The following TLL2 variants were observed in gnomAD, a reference collection of about 807,000 sequenced individuals.
TLL2 encodes the protein tolloid like 2, also known as tolloid-like protein 2.
A neutral mutation model predicts 123.0 loss-of-function variants in TLL2; 106 were observed. The ratio of observed to expected loss-of-function variants is 0.86; its 90% CI spans 0.74 to 1.01. The LOEUF (loss-of-function observed/expected upper bound fraction) is 1.01. TLL2 is among the 50% of genes least tolerant of loss of function. The probability of loss-of-function intolerance (pLI) is 0.00; values close to 1 mark genes in which losing one functional copy is unlikely to be tolerated. For missense variants in TLL2, 1,332 were observed against 1,336.7 expected (o/e 1.00, Z 0.06); for synonymous variants, 494 against 516.8 (o/e 0.96, Z 0.60).
At position 96,404,258 on chromosome 10, in the gene TLL2, C is replaced by T. The variant is rs1037513846; in HGVS notation, c.1267+974G>A. 3.3e-5 allele frequency among the ~76,000 whole-genome samples: 5 copies of T among 152,098 alleles called. No homozygotes were observed. In the East Asian group the frequency reaches 9.6e-4, roughly 29 times the overall value. ...ATACCCACAGGTGTGGAGGGGCAGG[C>T]CACCCCTTCATCTCTGGGGTGAACT... On this transcript the variant is annotated intron_variant, in intron 10 of 20. Transcript: ENST00000357947.
At chr10:96,407,308 C>G (rs375708796) in intron 9 of TLL2, among the ~76,000 whole-genome samples, 36 of 152,236 alleles carry the variant, frequency 2.4e-4, no homozygotes, top group African/African-American at 8.4e-4. Flanking sequence ...CCCTGATGAA[C>G]ACGATTGATC....
chr10:96,384,518 C>T (rs1846211943), intron 16 of TLL2, 69 bp downstream of exon 16: 2 of 1,423,444 alleles, frequency 1.4e-6, no homozygotes, highest in Non-Finnish European at 1.9e-6. Flanking sequence ...GGGCCAGGGA[C>T]CCCAGAGCCT....
At chr10:96,410,607 A>G (rs565399529) in intron 8 of TLL2, 133 bp from the exon 9 acceptor site, 3 of 737,986 alleles carry the variant, frequency 4.1e-6, no homozygotes, top group East Asian at 5.4e-5. Flanking sequence ...TGAGAAGTGT[A>G]GCAAGCAGAT....
chr10:96,433,332 T>C (rs1846763701), intron 3 of TLL2, among the ~76,000 whole-genome samples: 1 of 152,164 alleles, frequency 6.6e-6, no homozygotes, highest in African/African-American at 2.4e-5. Flanking sequence ...ATCTCTTGCC[T>C]TGATCCAATA....
At chr10:96,415,463 T>G (rs948665218) in intron 7 of TLL2, among the ~76,000 whole-genome samples, 12 of 151,988 alleles carry the variant, frequency 7.9e-5, no homozygotes, top group African/African-American at 2.9e-4. Context: ...TCTCTTCTTA[T>G]CATACTGTAT....
intron 5 of TLL2, among the ~76,000 whole-genome samples, chr10:96,423,960 A>C (rs1306728051): frequency 6.6e-6 from 1 of 152,246 alleles, no homozygotes; most frequent in Non-Finnish European, 1.5e-5. Context: ...TACACAATGA[A>C]GTACTATTCA....
At chr10:96,427,285 TA>T (rs962538709) in intron 5 of TLL2, among the ~76,000 whole-genome samples, 3 of 152,212 alleles carry the variant, frequency 2.0e-5, no homozygotes, top group African/African-American at 7.2e-5. Flanking sequence ...ATGGGCCATT[TA>T]AAAAAATGTG....
intron 15 of TLL2, 132 bp downstream of exon 15, chr10:96,385,923 G>T: frequency 1.1e-6 from 1 of 888,230 alleles, no homozygotes; most frequent in Non-Finnish European, 1.5e-6. Context: ...GATTCTGCTA[G>T]CGCAGGTCCT....
chr10:96,392,775 T>G (rs1282664221), intron 13 of TLL2, among the ~76,000 whole-genome samples: 2 of 152,230 alleles, frequency 1.3e-5, no homozygotes, highest in African/African-American at 4.8e-5. Context: ...GTTACCTTAA[T>G]GTAAGATTCT....
intron 1 of TLL2, among the ~76,000 whole-genome samples, chr10:96,482,131 G>A (rs575666212): frequency 5.3e-5 from 8 of 152,198 alleles, no homozygotes; most frequent in African/African-American, 7.2e-5. Flanking sequence ...GGTGGCGGGC[G>A]CCTGTAGTCC....
intron 1 of TLL2, among the ~76,000 whole-genome samples, chr10:96,505,943 G>A (rs770686136): frequency 6.6e-6 from 1 of 152,106 alleles, no homozygotes; most frequent in Non-Finnish European, 1.5e-5. Context: ...CTTGCTCCAG[G>A]TCTCACCGTT....
At chr10:96,434,366 G>A (rs560904468) in intron 3 of TLL2, among the ~76,000 whole-genome samples, 1 of 152,016 alleles carries the variant, frequency 6.6e-6, no homozygotes, top group Admixed American at 6.5e-5. Flanking sequence ...TCCCTTTCCC[G>A]AGACCTTGGC....
At chr10:96,430,745 G>T (rs1267309928) in intron 4 of TLL2, among the ~76,000 whole-genome samples, 1 of 152,120 alleles carries the variant, frequency 6.6e-6, no homozygotes, top group African/African-American at 2.4e-5. Flanking sequence ...AGCTGGGCTT[G>T]GTGGCACACG....
intron 10 of TLL2, among the ~76,000 whole-genome samples, chr10:96,401,505 C>T (rs536279412): frequency 3.8e-3 from 105 of 27,806 alleles, no homozygotes; most frequent in African/African-American, 9.8e-3. Flanking sequence ...TGGCACTCTA[C>T]ACACACACAC....
chr10:96,469,119 G>T (rs1203180592), intron 2 of TLL2, among the ~76,000 whole-genome samples: 1 of 152,244 alleles, frequency 6.6e-6, no homozygotes, highest in Non-Finnish European at 1.5e-5. Context: ...CCTGCTGATT[G>T]CTTTCTGCGG....
rs1846501254 is a variant in TLL2 at position 96,411,156 on chromosome 10, T to A, written c.1049-682A>T. On this transcript the variant is annotated intron_variant, in intron 8 of 20. Coordinates refer to ENST00000357947, the MANE Select transcript of TLL2 (RefSeq NM_012465.4). ...TACTTGGGAGGCTGAGGCAGAAGAATCGCTTGAGCCTGGGAGGCTGGGAGG... is the reference window on the plus strand; with the variant it reads ...TACTTGGGAGGCTGAGGCAGAAGAAACGCTTGAGCCTGGGAGGCTGGGAGG... Among the ~76,000 whole-genome samples, 5 of 149,304 alleles carry A rather than the reference T, an allele frequency of 3.3e-5. No homozygotes were observed. The Admixed American group carries it at 3.4e-4, about 10-fold the overall frequency.
intron 5 of TLL2, among the ~76,000 whole-genome samples, chr10:96,425,421 T>C (rs1846670132): frequency 6.6e-6 from 1 of 152,040 alleles, no homozygotes; most frequent in African/African-American, 2.4e-5. Flanking sequence ...CAGAAAGGCA[T>C]GAATGTACAG....
intron 2 of TLL2, among the ~76,000 whole-genome samples, chr10:96,455,998 G>T (rs1847012165): frequency 6.6e-6 from 1 of 152,214 alleles, no homozygotes; most frequent in Non-Finnish European, 1.5e-5. Context: ...CAAGGACTGT[G>T]CTTGCTACCT....
chr10:96,433,541 C>T (rs1216897485), intron 3 of TLL2, among the ~76,000 whole-genome samples: 4 of 152,082 alleles, frequency 2.6e-5, no homozygotes, highest in Non-Finnish European at 5.9e-5. Flanking sequence ...TCTGAGTCCA[C>T]GCGTTGGGCC....
Sources: allele counts gnomAD v4.1 joint callset (sites outside exome capture counted in the v4.1 genomes callset), GRCh38; gene constraint gnomAD v4.1.1; transcripts MANE v1.5; gene names NCBI Gene and HGNC (gene_info 2026-07-23, HGNC 2026-07-21).